DSCAM: variants seen among roughly 807,000 people sequenced by gnomAD.
DSCAM encodes cell adhesion molecule DSCAM.
A neutral mutation model predicts 217.7 loss-of-function variants in DSCAM; 47 were observed. The observed-to-expected ratio is 0.22, with a 90% CI of 0.17 to 0.28. The LOEUF (loss-of-function observed/expected upper bound fraction) is 0.28. Ranked by LOEUF, DSCAM falls within the 10% of genes least tolerant of loss-of-function variation. The probability of loss-of-function intolerance (pLI) is 1.00; values close to 1 mark genes in which losing one functional copy is unlikely to be tolerated. For missense variants in DSCAM, 2,080 were observed against 2,618.3 expected, an observed-to-expected ratio of 0.79 and a Z score of 4.49; for synonymous variants, 1,056 against 1,015.3, an observed-to-expected ratio of 1.04 and a Z score of -0.76.
chr21:40,333,723 G>A (rs745964733), intron 8 of DSCAM, among the ~76,000 whole-genome samples: 24 of 152,182 alleles, frequency 1.6e-4, no homozygotes, highest in African/African-American at 4.3e-4. Flanking sequence ...CTAAGATTGC[G>A]AATGGTGTAA....
intron 20 of DSCAM, among the ~76,000 whole-genome samples, chr21:40,107,276 T>C (rs906340761): frequency 2.0e-5 from 3 of 152,152 alleles, no homozygotes; most frequent in African/African-American, 7.2e-5. Context: ...ATGTAATTTG[T>C]ATAGTTTTAA....
chr21:40,149,510 C>T (rs78411883), intron 16 of DSCAM, among the ~76,000 whole-genome samples: 387 of 71,198 alleles, frequency 5.4e-3, no homozygotes, highest in South Asian at 0.014. Flanking sequence ...CAACATCCAT[C>T]ACTCCATCAC....
intron 15 of DSCAM, among the ~76,000 whole-genome samples, chr21:40,171,226 T>C (rs574579979): frequency 9.1e-4 from 139 of 152,208 alleles, no homozygotes; most frequent in South Asian, 5.2e-3. Context: ...TACAGGTGTG[T>C]GCCACCACGC....
chr21:40,251,090 A>G (rs2073297759), intron 11 of DSCAM, among the ~76,000 whole-genome samples: 2 of 152,206 alleles, frequency 1.3e-5, no homozygotes, highest in Non-Finnish European at 2.9e-5. Flanking sequence ...CATCAATGAA[A>G]TATGGTGGAG....
intron 16 of DSCAM, among the ~76,000 whole-genome samples, chr21:40,159,137 T>C (rs2090510761): frequency 6.6e-6 from 1 of 152,202 alleles, no homozygotes; most frequent in African/African-American, 2.4e-5. Flanking sequence ...GTTGCCATAA[T>C]AATAACAATA....
chr21:40,046,090 C>T (rs1386961178), intron 30 of DSCAM, among the ~76,000 whole-genome samples: 1 of 152,216 alleles, frequency 6.6e-6, no homozygotes, highest in East Asian at 1.9e-4. Flanking sequence ...TGGCCAAATC[C>T]TGAGTGTCTA....
chr21:40,123,191 T>C lies in DSCAM; in HGVS notation c.3696+1004A>G, dbSNP rs375945958. Among the ~76,000 whole-genome samples the C allele has an allele frequency of 2.0e-5, 3 of 152,144 alleles. No individual in the cohort carries two copies. The East Asian group carries it at 5.8e-4, about 29-fold the overall frequency. Reference sequence around the variant, plus strand: ...TAATGGGGACAGAGTTTCGGTTTTGTAGAGTTCTGGAGATGGATGGTGGTG... The same window carrying C: ...TAATGGGGACAGAGTTTCGGTTTTGCAGAGTTCTGGAGATGGATGGTGGTG... On this transcript the variant is annotated intron_variant, in intron 20 of 32. Coordinates refer to ENST00000400454, the MANE Select transcript of DSCAM (RefSeq NM_001389.5).
intron 10 of DSCAM, among the ~76,000 whole-genome samples, chr21:40,278,768 G>C (rs2073722976): frequency 6.6e-6 from 1 of 151,972 alleles, no homozygotes; most frequent in Admixed American, 6.6e-5. Flanking sequence ...AGGAGGAGGA[G>C]TCTTCAAAAA....
At chr21:40,155,553 C>T (rs980796566) in intron 16 of DSCAM, among the ~76,000 whole-genome samples, 1 of 151,924 alleles carries the variant, frequency 6.6e-6, no homozygotes. Context: ...GGAGGGGCAC[C>T]CCGACTCCAA....
chr21:40,405,946 G>A (rs373605352), intron 3 of DSCAM, among the ~76,000 whole-genome samples: 80 of 152,288 alleles, frequency 5.3e-4, no homozygotes, highest in African/African-American at 1.7e-3. Context: ...GCAGCGAGCC[G>A]AGATTGCACC....
rs762950626 is a variant in DSCAM at position 40,369,178 on chromosome 21, C to T, written c.576G>A (p.Leu192=). Residue 192 remains leucine (L), a synonymous_variant, in exon 4 of 33, where the codon TTG becomes TTA. Transcript: ENST00000400454. ...YIKDVQNEDG[L]YNYRCITRHR... ...GCCGCGTGATGCAGCGGTAGTTATA[C>T]AATCCATCTTCATTCTGTACATCTT... The T allele has an allele frequency of 5.6e-6, 9 of 1,613,418 alleles. No individual in the cohort carries two copies. The South Asian group carries it at 7.7e-5, about 14-fold the overall frequency.
chr21:40,717,311 T>C (rs2090852851), intron 1 of DSCAM, among the ~76,000 whole-genome samples: 2 of 152,306 alleles, frequency 1.3e-5, no homozygotes, highest in South Asian at 4.1e-4. Context: ...CGCTTAGCCC[T>C]GCAGACAATA....
chr21:40,532,909 T>C lies in DSCAM; in HGVS notation c.508+159901A>G, dbSNP rs943686635. On this transcript the variant is annotated intron_variant, in intron 3 of 32. Coordinates refer to ENST00000400454, the MANE Select transcript of DSCAM (RefSeq NM_001389.5). ...GTGTGTGTGTGTGTGTGTGTGTGTG[T>C]GCACACGCACGCGCATGTGCGCATA... 2.7e-3 allele frequency among the ~76,000 whole-genome samples: 302 copies of C among 113,816 alleles called. 1 individual carries two copies. Among genetic ancestry groups the C allele is most frequent in the African/African-American group, 5.0e-3 (122 of 24,558 alleles). 74.7% of individuals were successfully genotyped at this position (113,816 alleles called of 152,430 possible).
rs548973808 is a variant in DSCAM, at chr21:40,161,189, C to T, written c.3018+6029G>A. 1.2e-4 allele frequency among the ~76,000 whole-genome samples: 19 copies of T among 152,170 alleles called. 1 individual carries two copies. The highest frequency in any genetic ancestry group is 5.9e-4 in the Admixed American group (9 of 15,284). ...AGACCTGCCGGACCCTTTGTGCATG[C>T]AGGCTGGCAGCTCTGTCCTGGGACA... On this transcript the variant is annotated intron_variant, in intron 16 of 32. Transcript: ENST00000400454.
chr21:40,154,180 TCTTC>T (rs138672399), intron 16 of DSCAM, among the ~76,000 whole-genome samples: 4,296 of 149,976 alleles, frequency 0.029, 86 homozygotes, highest in East Asian at 0.058. Flanking sequence ...TCTCCTTTCT[TCTTC>T]CTTCCTTCCT....
At chr21:40,238,931 G>C (rs2073112963) in intron 11 of DSCAM, among the ~76,000 whole-genome samples, 1 of 152,130 alleles carries the variant, frequency 6.6e-6, no homozygotes, top group Non-Finnish European at 1.5e-5. Flanking sequence ...CTTTGCTTGA[G>C]AGGCAGCGTC....
intron 32 of DSCAM, among the ~76,000 whole-genome samples, chr21:40,021,717 A>G (rs1434714924): frequency 1.3e-5 from 2 of 152,190 alleles, no homozygotes; most frequent in Admixed American, 1.3e-4. Flanking sequence ...TTCTGATTAA[A>G]TAGGTCAGCA....
chr21:40,486,319 T>C (rs1169737871), intron 3 of DSCAM, among the ~76,000 whole-genome samples: 2 of 152,200 alleles, frequency 1.3e-5, no homozygotes, highest in South Asian at 2.1e-4. Flanking sequence ...TGGCTGGTCC[T>C]TCCCCTCTTG....
At chr21:40,267,853 G>T (rs2073560765) in intron 11 of DSCAM, among the ~76,000 whole-genome samples, 1 of 151,972 alleles carries the variant, frequency 6.6e-6, no homozygotes, top group Admixed American at 6.6e-5. Flanking sequence ...CTGAGATCGT[G>T]CCATTGCACT....
Sources: gnomAD v4.1 joint callset for allele counts (sites outside exome capture counted in the v4.1 genomes callset) on GRCh38, gnomAD v4.1.1 for gene constraint, MANE v1.5 for transcripts, NCBI Gene and HGNC (gene_info 2026-07-23, HGNC 2026-07-21) for gene names.